NELL1: variants seen among roughly 807,000 people sequenced by gnomAD.
The protein encoded by NELL1 is neural EGFL like 1.
A neutral mutation model predicts 107.4 loss-of-function variants in NELL1; 76 were observed. The ratio of observed to expected loss-of-function variants is 0.71; its 90% CI spans 0.59 to 0.86. NELL1 has a LOEUF of 0.86. NELL1 is among the 40% of genes least tolerant of loss of function. The probability of loss-of-function intolerance (pLI) is 0.00; values close to 1 mark genes in which losing one functional copy is unlikely to be tolerated. For synonymous variants in NELL1, 353 were observed against 341.2 expected (o/e 1.03, Z -0.38); for missense variants, 1,024 against 1,005.5 (o/e 1.02, Z -0.25).
chr11:20,843,570 AATAT>A (rs925695788), intron 3 of NELL1, among the ~76,000 whole-genome samples: 3 of 147,504 alleles, frequency 2.0e-5, no homozygotes, highest in Non-Finnish European at 3.0e-5. Flanking sequence ...CTATATATAA[AATAT>A]AATATATTTT....
intron 12 of NELL1, among the ~76,000 whole-genome samples, chr11:20,992,297 C>T (rs548141339): frequency 6.6e-5 from 10 of 152,282 alleles, no homozygotes; most frequent in Non-Finnish European, 1.2e-4. Flanking sequence ...AAAATGAATT[C>T]GTTACATATT....
intron 2 of NELL1, among the ~76,000 whole-genome samples, chr11:20,704,685 T>G (rs1854892547): frequency 6.6e-6 from 1 of 152,172 alleles, no homozygotes; most frequent in African/African-American, 2.4e-5. Flanking sequence ...CAGGAGCTCT[T>G]GTAAGTCAGG....
intron 5 of NELL1, among the ~76,000 whole-genome samples, chr11:20,896,831 A>G (rs960151649): frequency 2.4e-4 from 36 of 152,156 alleles, no homozygotes; most frequent in African/African-American, 8.2e-4. Flanking sequence ...AAGAGAATAA[A>G]ATACCTAGGA....
At chr11:21,084,898 A>G (rs1854353132) in intron 12 of NELL1, among the ~76,000 whole-genome samples, 1 of 152,094 alleles carries the variant, frequency 6.6e-6, no homozygotes, top group Non-Finnish European at 1.5e-5. Context: ...CCAGAATTAG[A>G]CTACCTGGTA....
intron 1 of NELL1, among the ~76,000 whole-genome samples, chr11:20,672,851 A>ATTTTTT (rs35403876): frequency 7.3e-6 from 1 of 137,256 alleles, no homozygotes; most frequent in Non-Finnish European, 1.6e-5. Flanking sequence ...AAAGGAGAGA[A>ATTTTTT]TTTTTTTTTT....
At chr11:20,858,431 A>G (rs1848920868) in intron 4 of NELL1, among the ~76,000 whole-genome samples, 1 of 152,202 alleles carries the variant, frequency 6.6e-6, no homozygotes. Context: ...TCACCAAGGA[A>G]GTAATACCTA....
intron 3 of NELL1, among the ~76,000 whole-genome samples, chr11:20,810,636 G>T (rs1857482684): frequency 6.6e-6 from 1 of 152,110 alleles, no homozygotes; most frequent in Admixed American, 6.5e-5. Flanking sequence ...ATTTGGGTTG[G>T]TTCCATGATT....
intron 14 of NELL1, among the ~76,000 whole-genome samples, chr11:21,283,226 C>A (rs185546294): frequency 3.9e-3 from 590 of 152,156 alleles, no homozygotes; most frequent in African/African-American, 0.011. Flanking sequence ...ATCCCATTTA[C>A]CCTCATGTGA....
At chr11:21,026,517 C>T (rs1440020775) in intron 12 of NELL1, among the ~76,000 whole-genome samples, 1 of 152,082 alleles carries the variant, frequency 6.6e-6, no homozygotes, top group Non-Finnish European at 1.5e-5. Flanking sequence ...ATAGTCTCCA[C>T]AGCAATCATC....
Position 21,343,643 on chromosome 11 carries a change from G to A in NELL1, c.1550-27210G>A, listed in dbSNP as rs1850623807. On this transcript the variant is annotated intron_variant, in intron 14 of 19. Coordinates refer to ENST00000357134, the MANE Select transcript of NELL1 (RefSeq NM_006157.5). ...ATATTTTAGCTTTGTGTAGCATATG[G>A]TCTTCATCAAAATTACCCAGTTTTG... is the stretch of plus-strand genomic sequence containing the variant. Among the ~76,000 whole-genome samples the A allele has an allele frequency of 2.6e-5, 4 of 152,066 alleles. No individual in the cohort carries two copies. In the South Asian group the frequency reaches 8.3e-4, roughly 32 times the overall value.
intron 15 of NELL1, among the ~76,000 whole-genome samples, chr11:21,448,476 T>C (rs76558801): frequency 0.019 from 2,849 of 152,306 alleles, 85 homozygotes; most frequent in African/African-American, 0.063. Flanking sequence ...AATTATTAAG[T>C]GCTGCATAAT....
intron 14 of NELL1, among the ~76,000 whole-genome samples, chr11:21,337,162 A>C (rs1406677257): frequency 1.3e-5 from 2 of 152,078 alleles, no homozygotes; most frequent in South Asian, 2.1e-4. Context: ...GTATTTCCTG[A>C]AAATGGAACC....
chr11:21,355,877 T>C (rs915066642), intron 14 of NELL1, among the ~76,000 whole-genome samples: 1 of 152,174 alleles, frequency 6.6e-6, no homozygotes, highest in Non-Finnish European at 1.5e-5. Flanking sequence ...CAGTATTGCT[T>C]GGATCTCTAA....
chr11:20,712,182 G>A (rs1474418005), intron 2 of NELL1, among the ~76,000 whole-genome samples: 1 of 151,978 alleles, frequency 6.6e-6, no homozygotes, highest in Non-Finnish European at 1.5e-5. Context: ...ATCTGATTGG[G>A]TTAATTCAAA....
chr11:20,848,078 G>A (rs141728555), intron 4 of NELL1, among the ~76,000 whole-genome samples: 2 of 152,136 alleles, frequency 1.3e-5, no homozygotes, highest in Non-Finnish European at 1.5e-5. Context: ...CACAGTTAAC[G>A]GTGATGTATT....
At chr11:21,206,125 T>C (rs1857384716) in intron 13 of NELL1, among the ~76,000 whole-genome samples, 1 of 152,188 alleles carries the variant, frequency 6.6e-6, no homozygotes, top group Admixed American at 6.5e-5. Context: ...AGAATCTTTT[T>C]CTCTGACAAT....
chr11:21,556,638 A>C (rs1216735973), intron 16 of NELL1, among the ~76,000 whole-genome samples: 1 of 151,980 alleles, frequency 6.6e-6, no homozygotes, highest in Non-Finnish European at 1.5e-5. Flanking sequence ...TTGACTTGGC[A>C]CAACTAGATT....
chr11:20,899,638 C>T (rs878855512), intron 5 of NELL1, among the ~76,000 whole-genome samples: 4 of 151,700 alleles, frequency 2.6e-5, no homozygotes, highest in African/African-American at 9.7e-5. Context: ...AACAGAAATT[C>T]ATAAAATAAT....
chr11:20,936,431 G>A lies in NELL1; in HGVS notation c.998-1355G>A, dbSNP rs1850726429. On this transcript the variant is annotated intron_variant, in intron 9 of 19. Transcript: ENST00000357134. ...CAGGGTATGACGTTAACTTAGGCATGTCCCTGGACTTTCTTCTTCCTGTGG... is the reference window on the plus strand; with the variant it reads ...CAGGGTATGACGTTAACTTAGGCATATCCCTGGACTTTCTTCTTCCTGTGG... 1.3e-5 allele frequency among the ~76,000 whole-genome samples: 2 copies of A among 152,164 alleles called. 1 individual carries two copies. The highest frequency in any genetic ancestry group is 4.1e-4 in the South Asian group (2 of 4,830).
Sources: allele counts gnomAD v4.1 joint callset (sites outside exome capture counted in the v4.1 genomes callset), GRCh38; gene constraint gnomAD v4.1.1; transcripts MANE v1.5; gene names NCBI Gene and HGNC (gene_info 2026-07-23, HGNC 2026-07-21).